ZRANB2: variants seen among roughly 807,000 people sequenced by gnomAD.
ZRANB2 encodes the protein zinc finger Ran-binding domain-containing protein 2.
In ZRANB2, 19 loss-of-function variants were observed where a neutral mutation model predicts 53.4. The ratio of observed to expected loss-of-function variants is 0.36; its 90% confidence interval spans 0.25 to 0.52. The LOEUF (loss-of-function observed/expected upper bound fraction) is 0.52, where lower values mean the gene tolerates loss of function less well. ZRANB2 is among the 20% of genes least tolerant of loss of function. The pLI is 0.93. For missense variants in ZRANB2, 309 were observed against 401.1 expected (o/e 0.77, Z 1.96); for synonymous variants, 145 against 134.8 (o/e 1.08, Z -0.52).
At chr1:71,079,056 C>T (rs942759809) in intron 1 of ZRANB2, among the ~76,000 whole-genome samples, 4 of 152,080 alleles carry the variant, frequency 2.6e-5, no homozygotes, top group African/African-American at 9.7e-5. Flanking sequence ...TACTTACAAG[C>T]TACCAGGGAG....
chr1:71,078,503 C>T lies in ZRANB2; in HGVS notation c.172G>A (p.Glu58Lys). Residue 58 changes from glutamate to lysine, a missense_variant, in exon 3 of 10, where the codon GAA (glutamate) becomes AAA (lysine). Physicochemically the swap from Glu to Lys is moderately conservative, Grantham distance 56. Coordinates refer to ENST00000370920, the MANE Select transcript of ZRANB2 (RefSeq NM_203350.3). ...GCACTAAATAGGCCTCGGCTCTTTT[C>T]TGCAAGTGTCTTTCCTATTTCAGTG... ...GGTEIGKTLA[E>K]KSRGLFSAND... 1 of 1,614,054 alleles carries T rather than the reference C, an allele frequency of 6.2e-7. No homozygotes were observed. The highest frequency in any genetic ancestry group is 8.5e-7 in the Non-Finnish European group (1 of 1,179,982).
At chr1:71,065,873 AAC>A (rs1661418052) in intron 9 of ZRANB2, 3 of 1,429,634 alleles carry the variant, frequency 2.1e-6, no homozygotes, top group African/African-American at 1.4e-5. Flanking sequence ...TCCACTCAAA[AAC>A]AGAGTAATTT....
At chr1:71,072,735 CG>C (rs1661621356) in intron 4 of ZRANB2, among the ~76,000 whole-genome samples, 187 bp from the exon 5 acceptor site, 4 of 152,078 alleles carry the variant, frequency 2.6e-5, no homozygotes, top group African/African-American at 9.6e-5. Context: ...TTAGTTGTAA[CG>C]TCATATGGCT....
intron 8 of ZRANB2, chr1:71,067,234 A>G (rs542363305): frequency 4.9e-6 from 1 of 204,726 alleles, no homozygotes; most frequent in Non-Finnish European, 9.7e-6. Context: ...CAAATATTAT[A>G]GTATTATAAA....
At chr1:71,079,251 G>C (rs114330329) in intron 1 of ZRANB2, among the ~76,000 whole-genome samples, 62 of 152,042 alleles carry the variant, frequency 4.1e-4, no homozygotes, top group African/African-American at 1.5e-3. Flanking sequence ...GTTTTACAGG[G>C]CATTTCTCAA....
At chr1:71,080,225 TTAAC>T (rs906546046) in intron 1 of ZRANB2, among the ~76,000 whole-genome samples, 3 of 149,676 alleles carry the variant, frequency 2.0e-5, no homozygotes, top group African/African-American at 5.0e-5. Flanking sequence ...AAAAATCTGA[TTAAC>T]TATCTAGTCG....
chr1:71,077,872 A>G (rs143998645), intron 3 of ZRANB2, among the ~76,000 whole-genome samples: 2 of 152,288 alleles, frequency 1.3e-5, no homozygotes, highest in African/African-American at 2.4e-5. Context: ...AAAAAATACA[A>G]ACAAACAAAA....
At chr1:71,077,063 AC>A (rs1454712198) in intron 3 of ZRANB2, among the ~76,000 whole-genome samples, 186 bp from the exon 4 acceptor site, 1 of 152,228 alleles carries the variant, frequency 6.6e-6, no homozygotes, top group African/African-American at 2.4e-5. Context: ...CCAACAACGG[AC>A]TGAACCATTT....
intron 8 of ZRANB2, 136 bp from the exon 9 acceptor site, chr1:71,067,070 C>T (rs1661460812): frequency 1.3e-6 from 1 of 754,418 alleles, no homozygotes; most frequent in Non-Finnish European, 2.0e-6. Flanking sequence ...ATACTTACTG[C>T]TTATTCAACA....
chr1:71,065,534 T>G (rs899423688), intron 9 of ZRANB2: 2 of 1,277,138 alleles, frequency 1.6e-6, no homozygotes, highest in African/African-American at 3.1e-5. Context: ...AGAAGTCTAT[T>G]ATGTAAAAAA....
chr1:71,066,657 G>A, intron 9 of ZRANB2, 119 bp downstream of exon 9: 2 of 1,077,326 alleles, frequency 1.9e-6, no homozygotes, highest in Non-Finnish European at 2.6e-6. Flanking sequence ...GTTCAAAGTT[G>A]AAAAGTAGAA....
chr1:71,074,287 T>C (rs947620323), intron 4 of ZRANB2, among the ~76,000 whole-genome samples: 3 of 152,160 alleles, frequency 2.0e-5, no homozygotes, highest in Non-Finnish European at 2.9e-5. Context: ...TCTAATGAAT[T>C]TGAATTTCTA....
intron 1 of ZRANB2, among the ~76,000 whole-genome samples, chr1:71,079,263 C>A (rs954746271): frequency 6.6e-6 from 1 of 152,108 alleles, no homozygotes; most frequent in African/African-American, 2.4e-5. Flanking sequence ...ATTTCTCAAA[C>A]CTCTGAGACT....
In ZRANB2 at chr1:71,074,685, C is replaced by A. The variant is rs1377550224; in HGVS notation, c.301+2110G>T. Reference sequence around the variant, plus strand: ...TTTTTTAAAAAAAAGCTGACAAAAACAAAAATAATCCTAAATCCTGAAACA... The same window carrying A: ...TTTTTTAAAAAAAAGCTGACAAAAAAAAAAATAATCCTAAATCCTGAAACA... On this transcript the variant is annotated intron_variant, in intron 4 of 9. Transcript: ENST00000370920. 5.3e-5 allele frequency among the ~76,000 whole-genome samples: 8 copies of A among 150,998 alleles called. No individual in the cohort carries two copies. The East Asian group carries it at 1.2e-3, about 22-fold the overall frequency.
At position 71,063,573 on chromosome 1, in the gene ZRANB2, T is replaced by C. The variant is rs537358351; in HGVS notation, c.*1501A>G. ...TAGATCGTCGGGGCAATTTAGAAGGTAGACTTTCAAAAAGTCTGAGGCACA... is the reference window on the plus strand; with the variant it reads ...TAGATCGTCGGGGCAATTTAGAAGGCAGACTTTCAAAAAGTCTGAGGCACA... On this transcript the variant is annotated 3_prime_UTR_variant, in exon 10 of 10. Transcript: ENST00000370920. 1.3e-5 allele frequency: 2 copies of C among 152,448 alleles called. No homozygotes were observed. Among genetic ancestry groups the C allele is most frequent in the South Asian group, 2.1e-4 (1 of 4,836 alleles). The allele number at this position is 152,448 out of a possible 1,614,324, so 9.4% of individuals were successfully genotyped here.
chr1:71,070,718 T>G, intron 7 of ZRANB2, 109 bp downstream of exon 7: 1 of 651,968 alleles, frequency 1.5e-6, no homozygotes, highest in Admixed American at 2.8e-5. Context: ...GAATTAAATT[T>G]TTAAAATAAA....
rs375936134 is a variant in ZRANB2 at position 71,065,879 on chromosome 1, G to A, written c.930-742C>T. 2.9e-6 allele frequency: 4 copies of A among 1,387,942 alleles called. 1 individual carries two copies. Among genetic ancestry groups the A allele is most frequent in the East Asian group, 4.9e-5 (2 of 41,126 alleles). 86.0% of individuals were successfully genotyped at this position (1,387,942 alleles called of 1,614,324 possible). Reference sequence around the variant, plus strand: ...AGAATGAATTCCACTCAAAAACAGAGTAATTTTTTTTACAAAGAAACAAAT... The same window carrying A: ...AGAATGAATTCCACTCAAAAACAGAATAATTTTTTTTACAAAGAAACAAAT... On this transcript the variant is annotated intron_variant, in intron 9 of 9. Coordinates refer to ENST00000370920, the MANE Select transcript of ZRANB2 (RefSeq NM_203350.3).
Position 71,072,551 on chromosome 1 carries a change from TAA to T in ZRANB2, c.302-5_302-4del, listed in dbSNP as rs760514365. ...TTCATTAAAACCACCACCATATCCTTAAAAAAGAGGGCACAAATTGTTACCCT... is the reference window on the plus strand; with the variant it reads ...TTCATTAAAACCACCACCATATCCTTAAAAGAGGGCACAAATTGTTACCCT... On this transcript the variant is annotated splice_polypyrimidine_tract_variant and splice_region_variant and intron_variant, in intron 4 of 9. Transcript: ENST00000370920. 4.4e-6 allele frequency: 7 copies of T among 1,598,736 alleles called. No homozygotes were observed. The highest frequency in any genetic ancestry group is 6.0e-6 in the Non-Finnish European group (7 of 1,170,156).
chr1:71,079,417 G>GTAA (rs1263904061), intron 1 of ZRANB2, among the ~76,000 whole-genome samples: 5 of 152,090 alleles, frequency 3.3e-5, no homozygotes, highest in Non-Finnish European at 7.4e-5. Flanking sequence ...GTGTATATTG[G>GTAA]TAAAAGTATG....
Sources: gnomAD v4.1 joint callset for allele counts (sites outside exome capture counted in the v4.1 genomes callset) on GRCh38, gnomAD v4.1.1 for gene constraint, MANE v1.5 for transcripts, NCBI Gene and HGNC (gene_info 2026-07-23, HGNC 2026-07-21) for gene names.